The following CDH4 variants were observed in gnomAD, a reference collection of about 807,000 sequenced individuals.
CDH4 encodes the protein cadherin-4.
Under a neutral mutation model 86.0 loss-of-function variants are expected in CDH4, and 33 were observed. That is an observed-to-expected ratio of 0.38 (90% CI 0.29 to 0.51). CDH4 has a LOEUF of 0.51. Ranked by LOEUF, CDH4 falls within the 20% of genes least tolerant of loss-of-function variation. CDH4 has a pLI of 0.86. For synonymous variants in CDH4, 555 were observed against 549.4 expected, an observed-to-expected ratio of 1.01 and a Z score of -0.14; for missense variants, 1,114 against 1,307.4, an observed-to-expected ratio of 0.85 and a Z score of 2.28.
rs141132917 is a variant in CDH4, at chr20:61,499,474, C to T, written c.170-244089C>T. The T allele has an allele frequency of 1.3e-4, 167 of 1,289,136 alleles. No homozygotes were observed. In the East Asian group the frequency reaches 2.9e-3, roughly 23 times the overall value. 79.9% of individuals were successfully genotyped at this position (1,289,136 alleles called of 1,614,324 possible). On this transcript the variant is annotated intron_variant, in intron 2 of 15. Coordinates refer to ENST00000614565, the MANE Select transcript of CDH4 (RefSeq NM_001794.5). ...TGACTTCATTCTCAGCGCCTCCTTT[C>T]TACCCTGCTTTAAAGAAGGCAAGTG...
chr20:61,375,943 C>G (rs1377322241), intron 2 of CDH4, among the ~76,000 whole-genome samples: 57 of 3,640 alleles, frequency 0.016, no homozygotes, highest in Middle Eastern at 0.1. Flanking sequence ...GATGGTGGTG[C>G]TGGTGGTGGT....
chr20:61,719,081 A>T, intron 2 of CDH4: 1 of 471,126 alleles, frequency 2.1e-6, no homozygotes, highest in South Asian at 1.6e-5. Flanking sequence ...GTGCTGGCGA[A>T]AGCAAATGAT....
intron 2 of CDH4, among the ~76,000 whole-genome samples, chr20:61,625,005 C>T (rs2086817004): frequency 6.6e-6 from 1 of 152,190 alleles, no homozygotes; most frequent in Admixed American, 6.5e-5. Context: ...ATCGCAGACA[C>T]ATTGTAAGGC....
chr20:61,401,073 T>C (rs6089473), intron 2 of CDH4, among the ~76,000 whole-genome samples: 76,498 of 152,076 alleles, frequency 0.5, 20,294 homozygotes, highest in African/African-American at 0.67. Context: ...ACCCTGTTTC[T>C]GGGCCATGCA....
At chr20:61,258,329 C>CAGAAAAAAAA (rs2084110538) in intron 2 of CDH4, among the ~76,000 whole-genome samples, 1 of 62,350 alleles carries the variant, frequency 1.6e-5, no homozygotes, top group Non-Finnish European at 2.6e-5. Flanking sequence ...GACTCCGTCT[C>CAGAAAAAAAA]AAAAAAAAAA....
At chr20:61,734,693 G>A (rs544451334) in intron 2 of CDH4, among the ~76,000 whole-genome samples, 295 of 152,356 alleles carry the variant, frequency 1.9e-3, no homozygotes, top group African/African-American at 6.6e-3. Context: ...TCATTTCCAA[G>A]GCCCCTCCCA....
chr20:61,807,111 C>A lies in CDH4; in HGVS notation c.576+33929C>A, dbSNP rs1035641737. Among the ~76,000 whole-genome samples the A allele has an allele frequency of 1.3e-5, 2 of 152,212 alleles. No homozygotes were observed. Among genetic ancestry groups the A allele is most frequent in the Non-Finnish European group, 2.9e-5 (2 of 68,044 alleles). ...CCTGATCTATGAGCTCCCAGGGCCC[C>A]GCAGCCCCGCCAGCCCCCAGCTGCA... is the stretch of plus-strand genomic sequence containing the variant. On this transcript the variant is annotated intron_variant, in intron 4 of 15. Coordinates refer to ENST00000614565, the MANE Select transcript of CDH4 (RefSeq NM_001794.5). The surrounding 1 kb of genome is among the most constrained non-coding windows in gnomAD (Gnocchi z 4.5).
At chr20:61,872,532 C>T (rs1188014192) in intron 6 of CDH4, among the ~76,000 whole-genome samples, 1 of 152,218 alleles carries the variant, frequency 6.6e-6, no homozygotes, top group Non-Finnish European at 1.5e-5. Flanking sequence ...ACCCCAGCCC[C>T]GTCAGCCAGG....
chr20:61,366,200 C>A (rs73134323), intron 2 of CDH4, among the ~76,000 whole-genome samples: 26,709 of 152,114 alleles, frequency 0.18, 3,023 homozygotes, highest in East Asian at 0.36. Context: ...AAGACTCAAC[C>A]CTAAAGAGAT....
chr20:61,759,139 C>G (rs1192970627), intron 3 of CDH4, among the ~76,000 whole-genome samples: 2 of 152,088 alleles, frequency 1.3e-5, no homozygotes, highest in Admixed American at 1.3e-4. Flanking sequence ...CAGAGCCCCC[C>G]AAGCAGAGTT....
rs1239154014 is a variant in CDH4 at position 61,928,283 on chromosome 20, T to C, written c.1865T>C (p.Ile622Thr). The change falls in exon 12 of 16, where the codon ATC becomes ACC. Residue 622 changes from isoleucine (I) to threonine (T), a missense_variant. Coordinates refer to ENST00000614565, the MANE Select transcript of CDH4 (RefSeq NM_001794.5). ...APELLPKEAQICEKPNLNAIN... is the reference protein window; with the variant it reads ...APELLPKEAQTCEKPNLNAIN... ...GAGCTGCTGCCCAAGGAGGCGCAGA[T>C]CTGCGAGAAGCCCAACCTGAACGCC... 3 of 1,610,184 alleles carry C rather than the reference T, an allele frequency of 1.9e-6. No individual in the cohort carries two copies. The highest frequency in any genetic ancestry group is 2.5e-6 in the Non-Finnish European group (3 of 1,179,980).
intron 15 of CDH4, among the ~76,000 whole-genome samples, chr20:61,936,042 G>A (rs531572680): frequency 1.8e-4 from 28 of 152,058 alleles, no homozygotes; most frequent in East Asian, 5.8e-4. Flanking sequence ...TGGCACCCGC[G>A]GGCACTGAGG....
Position 61,517,726 on chromosome 20 carries a change from A to T in CDH4, c.170-225837A>T, listed in dbSNP as rs1400964437. On this transcript the variant is annotated intron_variant, in intron 2 of 15. Coordinates refer to ENST00000614565, the MANE Select transcript of CDH4 (RefSeq NM_001794.5). This position sits in a 1 kb window ranked among gnomAD's most constrained non-coding sequence, Gnocchi z 6.6. ...GACGTGTTCAGGACAGGAACAGCAC[A>T]CTCAAGGTCACCATTCGTCTTATTC... Among the ~76,000 whole-genome samples, 1 of 152,068 alleles carries T rather than the reference A, an allele frequency of 6.6e-6. No homozygotes were observed. The highest frequency in any genetic ancestry group is 1.5e-5 in the Non-Finnish European group (1 of 67,998).
At chr20:61,686,699 ATG>A (rs770064236) in intron 2 of CDH4, among the ~76,000 whole-genome samples, 1 of 142,538 alleles carries the variant, frequency 7.0e-6, no homozygotes. Context: ...GCATGTGTGT[ATG>A]TGCGTGTGCA....
At chr20:61,424,190 T>C (rs935452022) in intron 2 of CDH4, among the ~76,000 whole-genome samples, 1 of 148,824 alleles carries the variant, frequency 6.7e-6, no homozygotes, top group Non-Finnish European at 1.5e-5. Context: ...ATAGCACACA[T>C]GTATCCACAC....
At chr20:61,901,502 G>T (rs900761650) in intron 8 of CDH4, among the ~76,000 whole-genome samples, 3 of 152,242 alleles carry the variant, frequency 2.0e-5, no homozygotes, top group African/African-American at 7.2e-5. Context: ...CCGTCGGGGG[G>T]CGCAGCAGAC....
chr20:61,325,236 A>AAG (rs1349386540), intron 2 of CDH4, among the ~76,000 whole-genome samples: 2 of 151,390 alleles, frequency 1.3e-5, no homozygotes, highest in Non-Finnish European at 2.9e-5. Context: ...AAAAAAAAAA[A>AAG]GTCTTGGCTT....
At chr20:61,653,486 G>A (rs2087148150) in intron 2 of CDH4, among the ~76,000 whole-genome samples, 4 of 139,200 alleles carry the variant, frequency 2.9e-5, no homozygotes, top group African/African-American at 5.1e-5. Context: ...CCGGGCAGAG[G>A]GGCTCCTCAC....
chr20:61,367,493 G>A (rs988333980), intron 2 of CDH4, among the ~76,000 whole-genome samples: 3 of 151,946 alleles, frequency 2.0e-5, no homozygotes, highest in Non-Finnish European at 4.4e-5. Flanking sequence ...GGCTCCCACT[G>A]ACCCAACCTT....
Sources: gnomAD v4.1 joint callset for allele counts (sites outside exome capture counted in the v4.1 genomes callset) on GRCh38, gnomAD v4.1.1 for gene constraint, Gnocchi (gnomAD v3.1) non-coding constraint, MANE v1.5 for transcripts, NCBI Gene and HGNC (gene_info 2026-07-23, HGNC 2026-07-21) for gene names.